Variants in DSCAM observed in about 807,000 individuals in gnomAD.
The protein encoded by DSCAM is cell adhesion molecule DSCAM.
DSCAM carries 47 observed loss-of-function variants against 217.7 expected under a neutral mutation model. That is an observed-to-expected ratio of 0.22 (90% confidence interval 0.17 to 0.28). The LOEUF (loss-of-function observed/expected upper bound fraction) is 0.28. DSCAM is among the 10% of genes least tolerant of loss of function. DSCAM has a pLI of 1.00. For synonymous variants in DSCAM, 1,056 were observed against 1,015.3 expected (o/e 1.04, Z -0.76); for missense variants, 2,080 against 2,618.3 (o/e 0.79, Z 4.49).
chr21:40,499,918 C>A (rs960345653), intron 3 of DSCAM, among the ~76,000 whole-genome samples: 1 of 152,046 alleles, frequency 6.6e-6, no homozygotes, highest in South Asian at 2.1e-4. Context: ...GTAGCTGGGA[C>A]TACAGACACC....
chr21:40,425,540 T>TAA (rs34317635), intron 3 of DSCAM, among the ~76,000 whole-genome samples: 2 of 128,758 alleles, frequency 1.6e-5, no homozygotes, highest in Non-Finnish European at 3.3e-5. Flanking sequence ...TACCCCCCCC[T>TAA]AAAAAAAAAA....
intron 1 of DSCAM, among the ~76,000 whole-genome samples, chr21:40,786,048 C>A (rs2091590992): frequency 6.6e-6 from 1 of 152,094 alleles, no homozygotes; most frequent in African/African-American, 2.4e-5. Flanking sequence ...GCCAGCCTGA[C>A]CAACATGGAG....
intron 16 of DSCAM, among the ~76,000 whole-genome samples, chr21:40,147,517 T>C (rs1395328839): frequency 3.3e-5 from 5 of 151,960 alleles, no homozygotes; most frequent in Non-Finnish European, 5.9e-5. Context: ...ATTTCAGTCC[T>C]GTGGTTCTAA....
intron 3 of DSCAM, among the ~76,000 whole-genome samples, chr21:40,603,380 C>T (rs1406295176): frequency 2.0e-5 from 3 of 152,136 alleles, no homozygotes; most frequent in African/African-American, 7.2e-5. Context: ...TATAACCTTA[C>T]TGATTTTCTG....
intron 3 of DSCAM, among the ~76,000 whole-genome samples, chr21:40,482,132 T>C (rs1666243289): frequency 6.6e-6 from 1 of 152,226 alleles, no homozygotes; most frequent in Non-Finnish European, 1.5e-5. Context: ...TGGCTCCATG[T>C]CACCTTTTTT....
Position 40,080,121 on chromosome 21 carries a change from A to C in DSCAM, c.4420+31T>G, listed in dbSNP as rs766567992. The C allele has an allele frequency of 1.4e-5, 21 of 1,475,974 alleles. 1 individual carries two copies. Among genetic ancestry groups the C allele is most frequent in the African/African-American group, 2.8e-5 (2 of 70,302 alleles). The allele number at this position is 1,475,974 out of a possible 1,614,324, so 91.4% of individuals were successfully genotyped here. Reference sequence around the variant, plus strand: ...CCTCTTCTGGCCGGGAAAAGAAAGGATATTAAGAAGCGATGAGAAGGCATA... The same window carrying C: ...CCTCTTCTGGCCGGGAAAAGAAAGGCTATTAAGAAGCGATGAGAAGGCATA... On this transcript the variant is annotated intron_variant, in intron 25 of 32. Transcript: ENST00000400454.
intron 3 of DSCAM, among the ~76,000 whole-genome samples, chr21:40,454,943 G>A (rs1469499609): frequency 6.6e-6 from 1 of 152,214 alleles, no homozygotes; most frequent in African/African-American, 2.4e-5. Context: ...ACAACCTGCT[G>A]ACCTTGGTAG....
intron 3 of DSCAM, among the ~76,000 whole-genome samples, chr21:40,527,407 T>C (rs916019764): frequency 1.3e-5 from 2 of 152,210 alleles, no homozygotes; most frequent in Non-Finnish European, 2.9e-5. Context: ...TCTAAGCTTC[T>C]GCACACTCTC....
chr21:40,689,743 C>A (rs1320088533), intron 3 of DSCAM, among the ~76,000 whole-genome samples: 1 of 152,164 alleles, frequency 6.6e-6, no homozygotes. Flanking sequence ...GATGGCCATG[C>A]CAAGGAATAA....
At chr21:40,216,605 T>C (rs1334012293) in intron 11 of DSCAM, among the ~76,000 whole-genome samples, 1 of 152,200 alleles carries the variant, frequency 6.6e-6, no homozygotes, top group South Asian at 2.1e-4. Flanking sequence ...ACTGTGAGTA[T>C]AGGAAAATGT....
chr21:40,653,670 C>G (rs1041391483), intron 3 of DSCAM, among the ~76,000 whole-genome samples: 1 of 152,124 alleles, frequency 6.6e-6, no homozygotes, highest in Non-Finnish European at 1.5e-5. Context: ...GAAGACCCCG[C>G]GTTGACTGTG....
intron 1 of DSCAM, among the ~76,000 whole-genome samples, chr21:40,808,617 G>A (rs535198955): frequency 6.6e-6 from 1 of 152,048 alleles, no homozygotes; most frequent in South Asian, 2.1e-4. Context: ...GAGACTACAG[G>A]TGCACCACCA....
intron 8 of DSCAM, among the ~76,000 whole-genome samples, chr21:40,327,710 G>T (rs1198590619): frequency 6.6e-6 from 1 of 151,922 alleles, no homozygotes; most frequent in Non-Finnish European, 1.5e-5. Context: ...TTATGTTGAG[G>T]AACATTCCTT....
At chr21:40,818,011 G>A (rs568909133) in intron 1 of DSCAM, among the ~76,000 whole-genome samples, 557 of 145,986 alleles carry the variant, frequency 3.8e-3, no homozygotes, top group Non-Finnish European at 6.7e-3. Context: ...CAGGAGAATG[G>A]CGTGAACCCG....
At position 40,144,859 on chromosome 21, in the gene DSCAM, C is replaced by A; in HGVS notation, c.3019-128G>T. On this transcript the variant is annotated intron_variant, in intron 16 of 32. Coordinates refer to ENST00000400454, the MANE Select transcript of DSCAM (RefSeq NM_001389.5). The surrounding 1 kb of genome is among the most constrained non-coding windows in gnomAD (Gnocchi z 4.8). ...TCGCCACGATGCTGGGGCGGTGGTC[C>A]GGTAGCAGCCGCAAACCCACGTACA... The A allele has an allele frequency of 7.4e-7, 1 of 1,355,590 alleles. No homozygotes were observed. Among genetic ancestry groups the A allele is most frequent in the Non-Finnish European group, 1.0e-6 (1 of 997,206 alleles). The allele number at this position is 1,355,590 out of a possible 1,614,324, so 84.0% of individuals were successfully genotyped here. A position where few individuals can be genotyped will look rare whatever the true frequency, so the allele number is the denominator to read the frequency against.
intron 3 of DSCAM, among the ~76,000 whole-genome samples, chr21:40,662,141 A>C: frequency 9.6e-6 from 1 of 104,534 alleles, no homozygotes; most frequent in East Asian, 3.4e-4. Flanking sequence ...CAAACAAACA[A>C]ACAAAAACAC....
intron 3 of DSCAM, among the ~76,000 whole-genome samples, chr21:40,566,815 T>C (rs1037127580): frequency 6.6e-6 from 1 of 152,158 alleles, no homozygotes; most frequent in Non-Finnish European, 1.5e-5. Context: ...CATTCACTCA[T>C]TGAACAAATA....
Position 40,312,283 on chromosome 21 carries a change from G to A in DSCAM, c.1860C>T (p.Val620=). 1 of 1,614,082 alleles carries A rather than the reference G, an allele frequency of 6.2e-7. No individual in the cohort carries two copies. The highest frequency in any genetic ancestry group is 8.5e-7 in the Non-Finnish European group (1 of 1,180,014). ...GQRVFIPCVV[V]SGDLPITITW... Reference sequence around the variant, plus strand: ...TGATCGTGATGGGTAAGTCCCCTGAGACCACAACACAGGGGATGAAGACCC... The same window carrying A: ...TGATCGTGATGGGTAAGTCCCCTGAAACCACAACACAGGGGATGAAGACCC... The change falls in exon 9 of 33, where the codon GTC becomes GTT. Residue 620 remains valine (V), a synonymous_variant. Coordinates refer to ENST00000400454, the MANE Select transcript of DSCAM (RefSeq NM_001389.5).
At chr21:40,639,233 C>T (rs2089847913) in intron 3 of DSCAM, among the ~76,000 whole-genome samples, 1 of 152,116 alleles carries the variant, frequency 6.6e-6, no homozygotes, top group Non-Finnish European at 1.5e-5. Flanking sequence ...CTACTGTCTT[C>T]GCAGCTTTTA....
Sources: gnomAD v4.1 joint callset for allele counts (sites outside exome capture counted in the v4.1 genomes callset) on GRCh38, gnomAD v4.1.1 for gene constraint, Gnocchi (gnomAD v3.1) non-coding constraint, MANE v1.5 for transcripts, NCBI Gene and HGNC (gene_info 2026-07-23, HGNC 2026-07-21) for gene names.